MRAS: variants seen among roughly 807,000 people sequenced by gnomAD.
MRAS encodes ras-related protein M-Ras.
Under a neutral mutation model 20.9 loss-of-function variants are expected in MRAS, and 4 were observed. That is an observed-to-expected ratio of 0.19 (90% CI 0.09 to 0.44). The LOEUF (loss-of-function observed/expected upper bound fraction) is 0.44, where lower values mean the gene tolerates loss of function less well. Among genes scored for constraint, MRAS ranks in the 20% least tolerant of loss-of-function variants. The pLI, the probability that MRAS is intolerant of heterozygous loss-of-function variation, is 0.99. For synonymous variants in MRAS, 98 were observed against 102.9 expected, an observed-to-expected ratio of 0.95 and a Z score of 0.29; for missense variants, 154 against 277.5, an observed-to-expected ratio of 0.56 and a Z score of 3.16.
At chr3:138,400,678 G>A in intron 5 of MRAS, 65 bp downstream of exon 5, 1 of 1,367,680 alleles carries the variant, frequency 7.3e-7, no homozygotes, top group Middle Eastern at 1.9e-4. Context: ...GAGGCAGCTG[G>A]GAGCTTGAGG....
chr3:138,381,972 G>A (rs1406374213), intron 2 of MRAS, among the ~76,000 whole-genome samples: 1 of 152,178 alleles, frequency 6.6e-6, no homozygotes, highest in Non-Finnish European at 1.5e-5. Flanking sequence ...TTTATGCTCA[G>A]CAGGCCTTAG....
intron 5 of MRAS, 35 bp from the exon 6 acceptor site, chr3:138,402,135 T>C (rs1478074381): frequency 6.3e-7 from 1 of 1,597,978 alleles, no homozygotes; most frequent in South Asian, 1.1e-5. Flanking sequence ...AAGCCCATTC[T>C]GACTTTGTCT....
intron 1 of MRAS, among the ~76,000 whole-genome samples, chr3:138,358,678 C>T (rs796621060): frequency 2.6e-5 from 4 of 152,348 alleles, no homozygotes; most frequent in African/African-American, 9.6e-5. Context: ...ATGGAGGTGA[C>T]GGTCTAGTGG....
rs560124427 is a variant in MRAS at position 138,359,648 on chromosome 3, T to C, written c.-19+10881T>C. ...TCCACCTCTCTGGGCTCTGACATAC[T>C]CCTGGGGTGGGCTGTGTGCCTGTCC... On this transcript the variant is annotated intron_variant, in intron 1 of 5. Coordinates refer to ENST00000423968, the MANE Select transcript of MRAS (RefSeq NM_001085049.3). Among the ~76,000 whole-genome samples, 3 of 152,302 alleles carry C rather than the reference T, an allele frequency of 2.0e-5. No homozygotes were observed. In the South Asian group the frequency reaches 6.2e-4, roughly 32 times the overall value.
intron 1 of MRAS, among the ~76,000 whole-genome samples, chr3:138,364,922 T>C (rs2054529752): frequency 6.6e-6 from 1 of 152,214 alleles, no homozygotes; most frequent in South Asian, 2.1e-4. Flanking sequence ...CCCAGCTCAC[T>C]GCTGACCTCT....
At chr3:138,365,616 A>C (rs1225683383) in intron 1 of MRAS, among the ~76,000 whole-genome samples, 1 of 152,196 alleles carries the variant, frequency 6.6e-6, no homozygotes, top group East Asian at 1.9e-4. Context: ...GGTAATAGAG[A>C]TCTCCAGACA....
At chr3:138,369,165 C>T (rs958036411) in intron 1 of MRAS, among the ~76,000 whole-genome samples, 4 of 152,170 alleles carry the variant, frequency 2.6e-5, no homozygotes, top group African/African-American at 4.8e-5. Flanking sequence ...TTCAGAAATG[C>T]GTGTTGAACC....
chr3:138,372,964 T>C lies in MRAS; in HGVS notation c.81T>C (p.Ser27=), dbSNP rs1408942816. ...TGGGGGATGGGGGTGTGGGCAAAAGTGCCCTCACCATCCAGTTTTTCCAGA... is the reference window on the plus strand; with the variant it reads ...TGGGGGATGGGGGTGTGGGCAAAAGCGCCCTCACCATCCAGTTTTTCCAGA... ...VVVGDGGVGK[S]ALTIQFFQKI... Residue 27 remains serine, a synonymous_variant, in exon 2 of 6, where the codon AGT becomes AGC. Coordinates refer to ENST00000423968, the MANE Select transcript of MRAS (RefSeq NM_001085049.3). The C allele has an allele frequency of 4.5e-6, 7 of 1,571,426 alleles. No homozygotes were observed. In the Admixed American group the frequency reaches 1.3e-4, roughly 30 times the overall value.
chr3:138,347,762 T>G (rs1047561366), upstream of MRAS: 1 of 152,022 alleles, frequency 6.6e-6, no homozygotes, highest in Non-Finnish European at 1.5e-5. Flanking sequence ...CGGGTTGACT[T>G]TTGTATTTTT....
intron 1 of MRAS, among the ~76,000 whole-genome samples, chr3:138,360,709 A>G (rs1178300352): frequency 6.6e-6 from 1 of 152,180 alleles, no homozygotes; most frequent in Non-Finnish European, 1.5e-5. Context: ...CTGTCTACCC[A>G]AGCCAGACTC....
intron 1 of MRAS, among the ~76,000 whole-genome samples, chr3:138,360,949 A>G (rs557528849): frequency 1.2e-4 from 18 of 152,328 alleles, no homozygotes; most frequent in Non-Finnish European, 2.4e-4. Context: ...TTCAGGTCAG[A>G]GATATGGCCT....
At chr3:138,375,889 G>C (rs1489382777) in intron 2 of MRAS, among the ~76,000 whole-genome samples, 1 of 152,106 alleles carries the variant, frequency 6.6e-6, no homozygotes, top group East Asian at 1.9e-4. Flanking sequence ...TCGGGTGGCT[G>C]AGGTGGGAGA....
chr3:138,379,286 C>T (rs1468403564), intron 2 of MRAS, among the ~76,000 whole-genome samples: 1 of 150,924 alleles, frequency 6.6e-6, no homozygotes, highest in Admixed American at 6.6e-5. Context: ...ATTTGTCTTT[C>T]TGTGCCTGGC....
At chr3:138,378,495 A>G (rs1402381164) in intron 2 of MRAS, among the ~76,000 whole-genome samples, 1 of 152,062 alleles carries the variant, frequency 6.6e-6, no homozygotes, top group African/African-American at 2.4e-5. Context: ...CAACCCTCGG[A>G]GCCTCTCTTC....
Position 138,405,272 on chromosome 3 carries a change from T to G in MRAS, c.*3003T>G, listed in dbSNP as rs2293251. ...TAACCCAAAGGCCCCTCAGACATGT[T>G]ACAGCAAATCTGGAGCCACAGACAG... On this transcript the variant is annotated 3_prime_UTR_variant, in exon 6 of 6. Transcript: ENST00000423968. 17,562 of 152,696 alleles carry G rather than the reference T, an allele frequency of 0.12. 1,129 individuals carry two copies. The highest frequency in any genetic ancestry group is 0.16 in the Non-Finnish European group (10,727 of 68,010). 9.5% of individuals were successfully genotyped at this position (152,696 alleles called of 1,614,324 possible).
At chr3:138,380,649 C>G (rs2054882332) in intron 2 of MRAS, among the ~76,000 whole-genome samples, 1 of 151,968 alleles carries the variant, frequency 6.6e-6, no homozygotes, top group Non-Finnish European at 1.5e-5. Flanking sequence ...AATCTAGATA[C>G]CTCATTTGAG....
intron 1 of MRAS, among the ~76,000 whole-genome samples, chr3:138,363,375 C>T (rs999982956): frequency 6.6e-6 from 1 of 152,120 alleles, no homozygotes; most frequent in African/African-American, 2.4e-5. Context: ...TTACTGTTTA[C>T]GTGGCTAATA....
At chr3:138,381,055 G>C (rs1285005512) in intron 2 of MRAS, among the ~76,000 whole-genome samples, 5 of 152,186 alleles carry the variant, frequency 3.3e-5, no homozygotes, top group Admixed American at 2.0e-4. Context: ...TTACAGGCAT[G>C]AGCCGCCACG....
Position 138,398,509 on chromosome 3 carries a change from T to G in MRAS, c.388T>G (p.Leu130Val). 1.2e-6 allele frequency: 2 copies of G among 1,614,196 alleles called. No individual in the cohort carries two copies. Among genetic ancestry groups the G allele is most frequent in the Non-Finnish European group, 8.5e-7 (1 of 1,180,030 alleles). ...GATCCTCGTGGCCAACAAGGTCGAT[T>G]TGATGCACTTGAGGAAGATCACCAG... The part of the protein sequence containing the change: ...PMILVANKVD[L>V]MHLRKITREQ... The change falls in exon 4 of 6, where the codon TTG (leucine) becomes GTG (valine). Residue 130 changes from leucine to valine, a missense_variant. Physicochemically the swap from Leu to Val is conservative, Grantham distance 32. Coordinates refer to ENST00000423968, the MANE Select transcript of MRAS (RefSeq NM_001085049.3).
Sources: allele counts gnomAD v4.1 joint callset (sites outside exome capture counted in the v4.1 genomes callset), GRCh38; gene constraint gnomAD v4.1.1; transcripts MANE v1.5; gene names NCBI Gene and HGNC (gene_info 2026-07-23, HGNC 2026-07-21).